The following RACGAP1 variants were observed in gnomAD, a reference collection of about 807,000 sequenced individuals.
RACGAP1 encodes the protein Rac GTPase activating protein 1.
RACGAP1 carries 30 observed loss-of-function variants against 78.1 expected under a neutral mutation model. The ratio of observed to expected loss-of-function variants is 0.38; its 90% CI spans 0.29 to 0.52. The LOEUF is 0.52. Ranked by LOEUF, RACGAP1 falls within the 20% of genes least tolerant of loss-of-function variation. The pLI is 0.82. For missense variants in RACGAP1, 587 were observed against 777.1 expected, an observed-to-expected ratio of 0.76 and a Z score of 2.91; for synonymous variants, 231 against 264.8, an observed-to-expected ratio of 0.87 and a Z score of 1.24.
chr12:50,013,518 T>C (rs1949477901), intron 2 of RACGAP1, among the ~76,000 whole-genome samples: 1 of 152,200 alleles, frequency 6.6e-6, no homozygotes, highest in Non-Finnish European at 1.5e-5. Flanking sequence ...ACCATTCCAG[T>C]TAGGGCTGTT....
intron 5 of RACGAP1, among the ~76,000 whole-genome samples, chr12:50,003,023 CAAAAAAAAAAAA>C (rs11326258): frequency 6.2e-5 from 4 of 64,150 alleles, no homozygotes; most frequent in East Asian, 5.5e-4. Context: ...GACTCTGTCT[CAAAAAAAAAAAA>C]AAAAAAAAAG....
At chr12:49,999,757 A>G (rs367625447) in intron 7 of RACGAP1, 24 bp from the exon 8 acceptor site, 34 of 1,533,990 alleles carry the variant, frequency 2.2e-5, no homozygotes, top group Non-Finnish European at 3.1e-5. Flanking sequence ...AGTAATGAGG[A>G]AAGACAAACA....
At chr12:50,016,455 T>C (rs1288974028) in intron 2 of RACGAP1, among the ~76,000 whole-genome samples, 176 bp downstream of exon 2, 2 of 152,204 alleles carry the variant, frequency 1.3e-5, no homozygotes, top group South Asian at 2.1e-4. Flanking sequence ...AAAAGAATTT[T>C]AGTGACCATT....
chr12:50,027,687 G>A (rs546845196), upstream of RACGAP1, among the ~76,000 whole-genome samples: 6 of 152,182 alleles, frequency 3.9e-5, no homozygotes, highest in South Asian at 2.1e-4. Flanking sequence ...TTAGCCAGGC[G>A]TGGTGGCAGA....
chr12:50,006,065 G>A (rs1041372389), intron 3 of RACGAP1, among the ~76,000 whole-genome samples: 1 of 152,202 alleles, frequency 6.6e-6, no homozygotes, highest in Non-Finnish European at 1.5e-5. Context: ...AGCTACTCAT[G>A]TAAGGATGGA....
intron 8 of RACGAP1, 29 bp downstream of exon 8, chr12:49,999,587 A>C (rs201812916): frequency 1.5e-4 from 241 of 1,580,884 alleles, no homozygotes; most frequent in Non-Finnish European, 1.9e-4. Flanking sequence ...TGTTTTACAC[A>C]GGCCAGTTTA....
chr12:50,008,499 T>C (rs1949112812), intron 2 of RACGAP1, among the ~76,000 whole-genome samples: 1 of 151,402 alleles, frequency 6.6e-6, no homozygotes, highest in Admixed American at 6.6e-5. Flanking sequence ...GTGCCCAGCC[T>C]ACTTTTCACT....
At chr12:50,018,895 C>T (rs868044647) in intron 1 of RACGAP1, among the ~76,000 whole-genome samples, 2 of 151,416 alleles carry the variant, frequency 1.3e-5, no homozygotes, top group Admixed American at 6.6e-5. Flanking sequence ...AGGCCAGAGT[C>T]CACTGGCGCC....
chr12:50,006,778 T>C (rs1362397354), intron 2 of RACGAP1, 142 bp from the exon 3 acceptor site: 5 of 821,632 alleles, frequency 6.1e-6, no homozygotes, highest in Non-Finnish European at 9.5e-6. Flanking sequence ...TGAAAATAAC[T>C]AGGAGCAGAT....
chr12:50,025,599 T>C (rs1950247482), upstream of RACGAP1: 8 of 955,964 alleles, frequency 8.4e-6, no homozygotes, highest in African/African-American at 1.8e-5. Context: ...GGAATGAGCA[T>C]GCGCATTCTG....
intron 12 of RACGAP1, 77 bp downstream of exon 12, chr12:49,994,054 T>G: frequency 7.4e-7 from 1 of 1,356,972 alleles, no homozygotes; most frequent in Non-Finnish European, 1.0e-6. Flanking sequence ...AAATAAAAAA[T>G]AAATAAAAAA....
chr12:50,026,902 C>T (rs1442196715), upstream of RACGAP1, among the ~76,000 whole-genome samples: 6 of 152,118 alleles, frequency 3.9e-5, 1 homozygote, highest in Admixed American at 3.9e-4. Context: ...TAGTCTTGAA[C>T]TCCTGGCCTT....
At chr12:49,998,771 C>T (rs1948469001) in intron 9 of RACGAP1, among the ~76,000 whole-genome samples, 1 of 151,222 alleles carries the variant, frequency 6.6e-6, no homozygotes, top group Non-Finnish European at 1.5e-5. Context: ...TGGTGGCACA[C>T]ATCTGTATCC....
intron 1 of RACGAP1, among the ~76,000 whole-genome samples, chr12:50,032,194 G>C (rs1204462069): frequency 6.6e-6 from 1 of 152,046 alleles, no homozygotes; most frequent in Non-Finnish European, 1.5e-5. Context: ...TAGGGTTGTC[G>C]AGAGGAATAA....
At chr12:50,008,040 G>T (rs1322605358) in intron 2 of RACGAP1, among the ~76,000 whole-genome samples, 2 of 150,862 alleles carry the variant, frequency 1.3e-5, no homozygotes, top group African/African-American at 4.9e-5. Flanking sequence ...TAATTTTGCT[G>T]GTTTGTTTGT....
At chr12:49,992,887 C>T (rs1947990953) in intron 12 of RACGAP1, among the ~76,000 whole-genome samples, 1 of 152,176 alleles carries the variant, frequency 6.6e-6, no homozygotes, top group Non-Finnish European at 1.5e-5. Context: ...AAGCAGTTGG[C>T]AACTGATGTG....
chr12:50,021,084 T>C (rs1949981513), intron 1 of RACGAP1: 2 of 980,854 alleles, frequency 2.0e-6, no homozygotes, highest in Non-Finnish European at 1.2e-6. Flanking sequence ...CAATTGAAAA[T>C]AGTTGTAATT....
At chr12:50,027,774 C>T (rs972460294), upstream of RACGAP1, among the ~76,000 whole-genome samples, 7 of 152,082 alleles carry the variant, frequency 4.6e-5, no homozygotes, top group Admixed American at 1.3e-4. Context: ...TGTGGTGAGC[C>T]GAGATCATGC....
chr12:50,018,214 C>T (rs1455444718), intron 1 of RACGAP1, among the ~76,000 whole-genome samples: 1 of 150,962 alleles, frequency 6.6e-6, no homozygotes, highest in African/African-American at 2.4e-5. Flanking sequence ...TTAAATGCTG[C>T]AGAATTATAC....
Sources: gnomAD v4.1 joint callset for allele counts (sites outside exome capture counted in the v4.1 genomes callset) on GRCh38, gnomAD v4.1.1 for gene constraint, MANE v1.5 for transcripts, NCBI Gene and HGNC (gene_info 2026-07-23, HGNC 2026-07-21) for gene names.